Variants in RBFOX1 observed in about 807,000 individuals in gnomAD.
The protein encoded by RBFOX1 is RNA binding protein fox-1 homolog 1.
Under a neutral mutation model 57.7 loss-of-function variants are expected in RBFOX1, and 8 were observed. The observed-to-expected ratio is 0.14, with a 90% CI of 0.08 to 0.25. RBFOX1 has a LOEUF of 0.25. Among genes scored for constraint, RBFOX1 ranks in the 10% least tolerant of loss-of-function variants. RBFOX1 has a pLI of 1.00. For missense variants in RBFOX1, 611 were observed against 548.5 expected, an observed-to-expected ratio of 1.11 and a Z score of -1.14; for synonymous variants, 326 against 222.4, an observed-to-expected ratio of 1.47 and a Z score of -4.15.
chr16:5,862,828 G>T (rs1436747630), intron 3 of RBFOX1, among the ~76,000 whole-genome samples: 1 of 152,164 alleles, frequency 6.6e-6, no homozygotes, highest in Non-Finnish European at 1.5e-5. Context: ...ACGCTGTTCA[G>T]CATGGAAGGC....
intron 1 of RBFOX1, among the ~76,000 whole-genome samples, chr16:5,400,122 C>A (rs1210145270): frequency 6.6e-6 from 1 of 150,578 alleles, no homozygotes; most frequent in Non-Finnish European, 1.5e-5. Context: ...TTTTTTGAGA[C>A]AGAGTCTCGC....
intron 2 of RBFOX1, among the ~76,000 whole-genome samples, chr16:6,650,176 C>G (rs1322956164): frequency 6.6e-6 from 1 of 152,118 alleles, no homozygotes; most frequent in Non-Finnish European, 1.5e-5. Context: ...AAGAATATGC[C>G]TTTTTAACAG....
intron 4 of RBFOX1, among the ~76,000 whole-genome samples, chr16:7,479,313 A>G (rs1340290749): frequency 4.0e-5 from 6 of 151,778 alleles, no homozygotes; most frequent in African/African-American, 4.8e-5. Flanking sequence ...ATAGTTTTGT[A>G]GAGATGGGGG....
chr16:6,046,060 T>C (rs2095492292), intron 1 of RBFOX1, among the ~76,000 whole-genome samples: 1 of 152,210 alleles, frequency 6.6e-6, no homozygotes, highest in South Asian at 2.1e-4. Context: ...CTAAGCACCA[T>C]AGGAAGGCGT....
intron 6 of RBFOX1, among the ~76,000 whole-genome samples, chr16:7,582,777 C>A (rs1476117348): frequency 6.6e-6 from 1 of 152,148 alleles, no homozygotes; most frequent in Non-Finnish European, 1.5e-5. Flanking sequence ...ACAGTGAGGA[C>A]AATTACAGAG....
chr16:5,977,575 G>A (rs2060090398), intron 4 of RBFOX1, among the ~76,000 whole-genome samples: 2 of 152,182 alleles, frequency 1.3e-5, no homozygotes, highest in Non-Finnish European at 2.9e-5. Flanking sequence ...TTTGGCCCTT[G>A]AAACAGCCTC....
chr16:7,700,659 G>C (rs1211549846), intron 14 of RBFOX1, among the ~76,000 whole-genome samples: 2 of 152,186 alleles, frequency 1.3e-5, no homozygotes, highest in East Asian at 1.9e-4. Context: ...CTTGAGCTCT[G>C]CATTAAAGAG....
rs180969896 is a variant in RBFOX1, at chr16:7,603,042, C to T, written c.623-4243C>T. ...CTTGACATAAATTAAAATGGAAACA[C>T]GGCATGCCAAAGTCTATGGGATACA... On this transcript the variant is annotated intron_variant, in intron 9 of 15. Transcript: ENST00000550418. Among the ~76,000 whole-genome samples the T allele has an allele frequency of 2.2e-3, 333 of 152,256 alleles. 1 individual carries two copies. The highest frequency in any genetic ancestry group is 3.9e-3 in the Non-Finnish European group (265 of 68,024).
At position 5,981,716 on chromosome 16, in the gene RBFOX1, G is replaced by A. The variant is rs1220937663; in HGVS notation, c.351+114381G>A. On this transcript the variant is annotated intron_variant, in intron 4 of 19. Transcript: ENST00000641259. Reference sequence around the variant, plus strand: ...ACTCCTGACCTCGAGTGGTCCACCTGCCTCACCCTCCCAAATTACTGGGAT... The same window carrying A: ...ACTCCTGACCTCGAGTGGTCCACCTACCTCACCCTCCCAAATTACTGGGAT... Among the ~76,000 whole-genome samples the A allele has an allele frequency of 5.3e-5, 8 of 152,236 alleles. No individual in the cohort carries two copies. The East Asian group carries it at 1.4e-3, about 26-fold the overall frequency.
intron 1 of RBFOX1, among the ~76,000 whole-genome samples, chr16:6,231,239 G>GGTGTGT (rs1555566197): frequency 2.7e-5 from 4 of 149,240 alleles, no homozygotes; most frequent in South Asian, 2.1e-4. Flanking sequence ...TGTGTGTGTA[G>GGTGTGT]GTGTGTGTGT....
intron 1 of RBFOX1, among the ~76,000 whole-genome samples, chr16:5,292,697 C>T (rs1433020546): frequency 6.6e-6 from 1 of 152,058 alleles, no homozygotes; most frequent in Non-Finnish European, 1.5e-5. Context: ...GATCTCGGCT[C>T]ACTGCAACCT....
intron 4 of RBFOX1, among the ~76,000 whole-genome samples, chr16:7,253,841 C>T (rs4347648): frequency 0.11 from 16,524 of 152,156 alleles, 994 homozygotes; most frequent in Middle Eastern, 0.13. Context: ...AAGGTCTGCA[C>T]ATGAGAGCTC....
At chr16:5,681,040 T>C (rs1457737443) in intron 3 of RBFOX1, among the ~76,000 whole-genome samples, 1 of 151,878 alleles carries the variant, frequency 6.6e-6, no homozygotes, top group African/African-American at 2.4e-5. Context: ...ATCTCTTAGA[T>C]AAGATGGCCA....
chr16:7,256,221 C>G (rs2094675974), intron 4 of RBFOX1, among the ~76,000 whole-genome samples: 2 of 152,160 alleles, frequency 1.3e-5, no homozygotes, highest in African/African-American at 4.8e-5. Flanking sequence ...CCTCTTTACT[C>G]CCTTGCCTTC....
At chr16:7,160,081 C>T (rs994628474) in intron 4 of RBFOX1, among the ~76,000 whole-genome samples, 1 of 152,068 alleles carries the variant, frequency 6.6e-6, no homozygotes, top group Non-Finnish European at 1.5e-5. Context: ...GGACTCATAA[C>T]AGTATTAGAA....
At position 6,655,373 on chromosome 16, in the gene RBFOX1, CAAAAAAAAAAAAAAAAAAA is replaced by C. The variant is rs71406388; in HGVS notation, c.-16+735_-16+753del. On this transcript the variant is annotated intron_variant, in intron 3 of 15. Coordinates refer to ENST00000550418, the MANE Select transcript of RBFOX1 (RefSeq NM_018723.4). The stretch of plus-strand genomic sequence containing the variant: ...TGAGTGACAAAATAAGCCTCCGTTT[CAAAAAAAAAAAAAAAAAAA>C]AAAAAAAAAAAGAGCTCGCGCTCAA... Among the ~76,000 whole-genome samples, 5 of 33,738 alleles carry C rather than the reference CAAAAAAAAAAAAAAAAAAA, an allele frequency of 1.5e-4. 1 individual carries two copies. The highest frequency in any genetic ancestry group is 1.0e-3 in the South Asian group (1 of 962). 22.1% of individuals were successfully genotyped at this position (33,738 alleles called of 152,430 possible).
chr16:5,782,439 T>A (rs1292340711), intron 3 of RBFOX1, among the ~76,000 whole-genome samples: 1 of 152,182 alleles, frequency 6.6e-6, no homozygotes, highest in East Asian at 1.9e-4. Context: ...GGCAGAGCCC[T>A]TATGATTTAC....
At chr16:5,465,809 G>A (rs1313636846) in intron 1 of RBFOX1, among the ~76,000 whole-genome samples, 2 of 152,234 alleles carry the variant, frequency 1.3e-5, no homozygotes, top group Non-Finnish European at 2.9e-5. Context: ...TTGAGACTCA[G>A]CAAGTGGAGT....
intron 1 of RBFOX1, among the ~76,000 whole-genome samples, chr16:6,123,458 C>T (rs2096566516): frequency 6.6e-6 from 1 of 152,064 alleles, no homozygotes; most frequent in Non-Finnish European, 1.5e-5. Flanking sequence ...TAGTCAAATA[C>T]TTAGAAACTG....
Sources: allele counts gnomAD v4.1 joint callset (sites outside exome capture counted in the v4.1 genomes callset), GRCh38; gene constraint gnomAD v4.1.1; transcripts MANE v1.5; gene names NCBI Gene and HGNC (gene_info 2026-07-23, HGNC 2026-07-21).